Variants in PTCSC3 observed in about 807,000 individuals in gnomAD.
The protein encoded by PTCSC3 is papillary thyroid carcinoma susceptibility candidate 3 (non-protein coding).
chr14:36,155,225 A>C, intron 2 of PTCSC3, among the ~76,000 whole-genome samples: 1 of 152,218 alleles, frequency 6.6e-6, no homozygotes, highest in Admixed American at 6.5e-5. Flanking sequence ...TAAGTGACTG[A>C]TAATTATTTT....
intron 2 of PTCSC3, chr14:36,153,988 C>CATTTA (rs1881776379): frequency 2.6e-5 from 4 of 151,674 alleles, no homozygotes; most frequent in Admixed American, 6.6e-5. Flanking sequence ...GTCACCTGAG[C>CATTTA]CTGGGAGGTC....
At chr14:36,162,549 G>A (rs1378180488) in intron 2 of PTCSC3, 3 of 152,244 alleles carry the variant, frequency 2.0e-5, no homozygotes, top group African/African-American at 4.8e-5. Flanking sequence ...CGCCCTCCGT[G>A]GGCTGCACCC....
chr14:36,173,197 G>A (rs1882219690), intron 1 of PTCSC3, among the ~76,000 whole-genome samples: 1 of 152,090 alleles, frequency 6.6e-6, no homozygotes, highest in Non-Finnish European at 1.5e-5. Flanking sequence ...TATTTCTGTA[G>A]TAGTTCCTAC....
chr14:36,137,776 A>G (rs1324374523), intron 3 of PTCSC3, among the ~76,000 whole-genome samples: 1 of 152,192 alleles, frequency 6.6e-6, no homozygotes, highest in African/African-American at 2.4e-5. Context: ...AGGAGCAGGT[A>G]TGGTGGGGGA....
chr14:36,147,880 A>C (rs900148839), intron 3 of PTCSC3, among the ~76,000 whole-genome samples: 1 of 151,986 alleles, frequency 6.6e-6, no homozygotes, highest in Non-Finnish European at 1.5e-5. Flanking sequence ...TCCTTCTAAC[A>C]GACAGGACCC....
intron 1 of PTCSC3, among the ~76,000 whole-genome samples, chr14:36,169,033 T>C (rs1347847868): frequency 1.3e-5 from 2 of 152,088 alleles, no homozygotes; most frequent in Non-Finnish European, 2.9e-5. Flanking sequence ...CCCTTTATTT[T>C]ACACATTAAG....
intron 2 of PTCSC3, among the ~76,000 whole-genome samples, chr14:36,157,002 A>G (rs1250569807): frequency 6.6e-6 from 1 of 152,110 alleles, no homozygotes; most frequent in African/African-American, 2.4e-5. Context: ...GTCTTCCACA[A>G]TGGTTGAACT....
intron 1 of PTCSC3, among the ~76,000 whole-genome samples, chr14:36,170,702 A>C (rs1337661694): frequency 3.9e-5 from 6 of 152,078 alleles, no homozygotes; most frequent in Non-Finnish European, 8.8e-5. Flanking sequence ...GGACTCAAAA[A>C]TTTTTTTAAC....
At chr14:36,168,368 T>C (rs1882134207) in intron 1 of PTCSC3, among the ~76,000 whole-genome samples, 1 of 35,448 alleles carries the variant, frequency 2.8e-5, no homozygotes, top group Non-Finnish European at 1.0e-4. Flanking sequence ...TGAATATATA[T>C]ATATATATAT....
Position 36,148,357 on chromosome 14 carries a change from A to T in PTCSC3, n.322+5447T>A, listed in dbSNP as rs145141198. On this transcript the variant is annotated intron_variant and non_coding_transcript_variant, in intron 3 of 3. Coordinates refer to ENST00000556013, the Ensembl canonical transcript of PTCSC3. The stretch of plus-strand genomic sequence containing the variant: ...CCCTCCGAGCCAGGTGTGGGATATA[A>T]TGTCGTGGTGCGCCGTTTTTTAAGC... Among the ~76,000 whole-genome samples, 292 of 152,204 alleles carry T rather than the reference A, an allele frequency of 1.9e-3. 1 individual carries two copies. The highest frequency in any genetic ancestry group is 6.7e-3 in the African/African-American group (278 of 41,520).
exon 1 of PTCSC3, chr14:36,176,465 T>C (rs563951160): frequency 1.1e-4 from 16 of 151,936 alleles, no homozygotes; most frequent in Non-Finnish European, 1.6e-4. Context: ...TTTTTTCCTC[T>C]TTCTCTATTC....
chr14:36,167,820 T>G (rs1032178251), intron 1 of PTCSC3, among the ~76,000 whole-genome samples: 3 of 152,182 alleles, frequency 2.0e-5, no homozygotes, highest in South Asian at 2.1e-4. Flanking sequence ...GGAACAGTAC[T>G]CATTTTAAGC....
At chr14:36,162,258 G>GA (rs58223160) in intron 2 of PTCSC3, among the ~76,000 whole-genome samples, 1,242 of 106,444 alleles carry the variant, frequency 0.012, 70 homozygotes, top group African/African-American at 0.05. Context: ...CTGGGGTATG[G>GA]AAAAAAAAAA....
chr14:36,156,642 TTA>T (rs1159169885), intron 2 of PTCSC3, among the ~76,000 whole-genome samples: 1 of 152,076 alleles, frequency 6.6e-6, no homozygotes, highest in Admixed American at 6.6e-5. Context: ...CAGCTCCCAC[TTA>T]TGAGTGGGAA....
In PTCSC3 at chr14:36,144,321, C is replaced by A. The variant is rs1345852606; in HGVS notation, n.323-7965G>T. Among the ~76,000 whole-genome samples, 78 of 146,596 alleles carry A rather than the reference C, an allele frequency of 5.3e-4. 1 individual carries two copies. In the South Asian group the frequency reaches 9.2e-3, roughly 17 times the overall value. On this transcript the variant is annotated intron_variant and non_coding_transcript_variant, in intron 3 of 3. Coordinates refer to ENST00000556013, the Ensembl canonical transcript of PTCSC3. ...GAATGTTCTTCCATTTGTTTGTATCCTCTTTTATTTCCTTGAGCAGTGGTT... is the reference window on the plus strand; with the variant it reads ...GAATGTTCTTCCATTTGTTTGTATCATCTTTTATTTCCTTGAGCAGTGGTT...
intron 1 of PTCSC3, among the ~76,000 whole-genome samples, chr14:36,168,676 C>A (rs1003754797): frequency 6.6e-6 from 1 of 152,100 alleles, no homozygotes; most frequent in Admixed American, 6.6e-5. Flanking sequence ...AGTGCAGTGG[C>A]AGGATCATAG....
At chr14:36,139,287 A>T (rs994037352) in intron 3 of PTCSC3, among the ~76,000 whole-genome samples, 1 of 152,210 alleles carries the variant, frequency 6.6e-6, no homozygotes, top group African/African-American at 2.4e-5. Flanking sequence ...CAAACTGCTG[A>T]TATGTGAAAG....
At chr14:36,151,968 T>A (rs1000279293) in intron 3 of PTCSC3, among the ~76,000 whole-genome samples, 3 of 152,216 alleles carry the variant, frequency 2.0e-5, no homozygotes, top group Non-Finnish European at 4.4e-5. Flanking sequence ...GATTTTTCAT[T>A]TCATTGTGAT....
intron 3 of PTCSC3, among the ~76,000 whole-genome samples, chr14:36,145,813 C>T (rs1881550965): frequency 6.7e-6 from 1 of 149,324 alleles, no homozygotes; most frequent in South Asian, 2.2e-4. Flanking sequence ...CTATAAATTT[C>T]CCTCTGCACA....
Sources: allele counts gnomAD v4.1 joint callset (sites outside exome capture counted in the v4.1 genomes callset), GRCh38; gene constraint gnomAD v4.1.1; transcripts MANE v1.5; gene names NCBI Gene and HGNC (gene_info 2026-07-23, HGNC 2026-07-21).